Variants in FHIT observed in about 807,000 individuals in gnomAD.
The protein encoded by FHIT is bis(5'-adenosyl)-triphosphatase.
FHIT carries 19 observed loss-of-function variants against 17.9 expected under a neutral mutation model. The ratio of observed to expected loss-of-function variants is 1.06; its 90% CI spans 0.74 to 1.56. FHIT has a LOEUF of 1.56. Among genes scored for constraint, FHIT ranks in the 40% most tolerant of loss-of-function variants. The pLI is 0.00. For missense variants in FHIT, 248 were observed against 189.2 expected (o/e 1.31, Z -1.82); for synonymous variants, 81 against 69.7 (o/e 1.16, Z -0.81).
At chr3:60,796,603 G>C (rs782430702) in intron 4 of FHIT, among the ~76,000 whole-genome samples, 3 of 152,106 alleles carry the variant, frequency 2.0e-5, no homozygotes, top group Non-Finnish European at 4.4e-5. Context: ...TTTGTTTTGA[G>C]ATGGAGTCTT....
intron 1 of FHIT, among the ~76,000 whole-genome samples, chr3:61,202,421 C>A (rs72879870): frequency 0.019 from 2,872 of 152,178 alleles, 83 homozygotes; most frequent in African/African-American, 0.065. Flanking sequence ...GCTGTGCAAC[C>A]TTCCAAGTGT....
chr3:60,020,972 C>T (rs1291927165), intron 5 of FHIT, among the ~76,000 whole-genome samples: 1 of 152,098 alleles, frequency 6.6e-6, no homozygotes, highest in Non-Finnish European at 1.5e-5. Context: ...TTGGGCCACA[C>T]CTTTTTTCAG....
chr3:60,869,488 G>T (rs1553754551), intron 3 of FHIT, among the ~76,000 whole-genome samples: 1 of 152,128 alleles, frequency 6.6e-6, no homozygotes, highest in East Asian at 1.9e-4. Context: ...CAGATCTCAG[G>T]TTTACCTGTC....
chr3:60,707,150 T>G (rs1349756436), intron 4 of FHIT, among the ~76,000 whole-genome samples: 2 of 152,198 alleles, frequency 1.3e-5, no homozygotes, highest in Non-Finnish European at 2.9e-5. Flanking sequence ...GGGAATGGAA[T>G]AGGAAACGAG....
chr3:59,931,673 A>G (rs1430768878), intron 7 of FHIT, among the ~76,000 whole-genome samples: 2 of 152,178 alleles, frequency 1.3e-5, no homozygotes, highest in African/African-American at 2.4e-5. Context: ...ATAAAAAAAA[A>G]TTCAGTTTAA....
intron 5 of FHIT, among the ~76,000 whole-genome samples, chr3:60,117,445 T>G (rs1349073848): frequency 7.3e-6 from 1 of 137,178 alleles, no homozygotes; most frequent in African/African-American, 2.8e-5. Flanking sequence ...TCCTGTACTA[T>G]AATGTCAATA....
intron 4 of FHIT, among the ~76,000 whole-genome samples, chr3:60,582,556 T>C (rs2037781307): frequency 1.3e-5 from 2 of 152,068 alleles, no homozygotes; most frequent in Admixed American, 1.3e-4. Context: ...GTTTAAAATA[T>C]TGACTAAGAC....
chr3:61,126,139 T>A (rs1262369710), intron 2 of FHIT, among the ~76,000 whole-genome samples: 2 of 152,076 alleles, frequency 1.3e-5, no homozygotes, highest in African/African-American at 4.8e-5. Context: ...CATCTATGAG[T>A]CTGACAGCTA....
At chr3:60,628,713 G>T (rs4679481) in intron 4 of FHIT, among the ~76,000 whole-genome samples, 109,870 of 152,084 alleles carry the variant, frequency 0.72, 40,111 homozygotes, top group South Asian at 0.84. Context: ...TCCTTTTAAT[G>T]GCTTATCACC....
At chr3:60,168,711 G>C (rs371040386) in intron 5 of FHIT, among the ~76,000 whole-genome samples, 14 of 152,328 alleles carry the variant, frequency 9.2e-5, no homozygotes, top group East Asian at 7.7e-4. Context: ...CATCAAGTCA[G>C]CTTTTTCATG....
chr3:60,315,763 A>G (rs1709137209), intron 5 of FHIT, among the ~76,000 whole-genome samples: 1 of 152,182 alleles, frequency 6.6e-6, no homozygotes, highest in Non-Finnish European at 1.5e-5. Flanking sequence ...ACATTCTCAT[A>G]CATCTTCCTG....
intron 5 of FHIT, among the ~76,000 whole-genome samples, chr3:60,021,019 G>C (rs1053678390): frequency 1.3e-5 from 2 of 152,092 alleles, no homozygotes; most frequent in Non-Finnish European, 2.9e-5. Flanking sequence ...ACTCAATAAA[G>C]GGTTCATGGG....
chr3:60,441,964 T>C (rs1370833187), intron 5 of FHIT, among the ~76,000 whole-genome samples: 1 of 149,790 alleles, frequency 6.7e-6, no homozygotes, highest in Non-Finnish European at 1.5e-5. Context: ...GCTCAAGTAA[T>C]CCTCCTGCCT....
chr3:60,886,008 A>G (rs1467800693), intron 3 of FHIT, among the ~76,000 whole-genome samples: 1 of 152,186 alleles, frequency 6.6e-6, no homozygotes, highest in African/African-American at 2.4e-5. Flanking sequence ...GTCTTTCCTA[A>G]ACCATTGCTT....
intron 8 of FHIT, among the ~76,000 whole-genome samples, chr3:59,855,092 G>T (rs1400334642): frequency 6.6e-6 from 1 of 152,178 alleles, no homozygotes; most frequent in Non-Finnish European, 1.5e-5. Context: ...TATCATAACT[G>T]TAACATTAAA....
chr3:61,030,896 G>A (rs2032979640), intron 3 of FHIT, among the ~76,000 whole-genome samples: 2 of 152,118 alleles, frequency 1.3e-5, no homozygotes, highest in African/African-American at 4.8e-5. Context: ...TAACAGCAAG[G>A]GTCCCATGTG....
intron 4 of FHIT, among the ~76,000 whole-genome samples, chr3:60,608,973 C>G (rs1553672303): frequency 6.7e-6 from 1 of 148,416 alleles, no homozygotes; most frequent in Non-Finnish European, 1.5e-5. Flanking sequence ...TCAGTTGATT[C>G]AAATAAATAT....
At chr3:60,053,740 C>T (rs1235387343) in intron 5 of FHIT, among the ~76,000 whole-genome samples, 2 of 151,992 alleles carry the variant, frequency 1.3e-5, no homozygotes, top group Non-Finnish European at 2.9e-5. Context: ...TTTGGCTGTG[C>T]CTCCTTGTGG....
intron 5 of FHIT, among the ~76,000 whole-genome samples, chr3:60,280,539 G>T (rs530242553): frequency 1.3e-5 from 2 of 152,218 alleles, no homozygotes; most frequent in South Asian, 2.1e-4. Flanking sequence ...CAAGAAGCCA[G>T]TGTGACCAGG....
Sources: gnomAD v4.1 joint callset for allele counts (sites outside exome capture counted in the v4.1 genomes callset) on GRCh38, gnomAD v4.1.1 for gene constraint, MANE v1.5 for transcripts, NCBI Gene and HGNC (gene_info 2026-07-23, HGNC 2026-07-21) for gene names.